The following LDB2 variants were observed in gnomAD, a reference collection of about 807,000 sequenced individuals.
LDB2 encodes LIM domain-binding protein 2.
LDB2 carries 12 observed loss-of-function variants against 44.3 expected under a neutral mutation model. That is an observed-to-expected ratio of 0.27 (90% CI 0.17 to 0.44). The LOEUF (loss-of-function observed/expected upper bound fraction) is 0.44, where lower values mean the gene tolerates loss of function less well. Among genes scored for constraint, LDB2 ranks in the 20% least tolerant of loss-of-function variants. The pLI is 1.00. For missense variants in LDB2, 344 were observed against 473.5 expected (o/e 0.73, Z 2.54); for synonymous variants, 164 against 174.8 (o/e 0.94, Z 0.49).
chr4:16,660,484 G>A (rs1337078621), intron 2 of LDB2, among the ~76,000 whole-genome samples: 1 of 152,016 alleles, frequency 6.6e-6, no homozygotes, highest in Non-Finnish European at 1.5e-5. Flanking sequence ...AACCACCACC[G>A]CCATCACCAC....
chr4:16,727,217 T>C (rs1288946016), intron 2 of LDB2, among the ~76,000 whole-genome samples: 1 of 152,200 alleles, frequency 6.6e-6, no homozygotes, highest in African/African-American at 2.4e-5. Flanking sequence ...CCCAGGACAT[T>C]AGAAGATGGA....
At chr4:16,594,891 TTC>T (rs1252927947) in intron 3 of LDB2, among the ~76,000 whole-genome samples, 3 of 152,220 alleles carry the variant, frequency 2.0e-5, no homozygotes, top group Non-Finnish European at 4.4e-5. Flanking sequence ...TAAAATAAAC[TTC>T]TGTTTGTCAG....
At chr4:16,574,932 T>G (rs563619417) in intron 5 of LDB2, among the ~76,000 whole-genome samples, 2 of 152,332 alleles carry the variant, frequency 1.3e-5, no homozygotes, top group South Asian at 4.1e-4. Flanking sequence ...ACCTACATTT[T>G]GCTGACTCCA....
chr4:16,770,628 T>C (rs77974501), intron 1 of LDB2, among the ~76,000 whole-genome samples: 2 of 152,190 alleles, frequency 1.3e-5, no homozygotes, highest in Non-Finnish European at 2.9e-5. Flanking sequence ...GGAATTTGCA[T>C]CCTCTCTGAC....
chr4:16,569,425 A>G (rs137959495), intron 5 of LDB2, among the ~76,000 whole-genome samples: 1 of 152,314 alleles, frequency 6.6e-6, no homozygotes, highest in Non-Finnish European at 1.5e-5. Context: ...GTCTTATGCT[A>G]TGATTGGCCA....
At chr4:16,758,791 T>G (rs1767249596) in intron 2 of LDB2, among the ~76,000 whole-genome samples, 1 of 152,180 alleles carries the variant, frequency 6.6e-6, no homozygotes, top group African/African-American at 2.4e-5. Flanking sequence ...ATTATTATTT[T>G]TAAGAACCTC....
intron 3 of LDB2, 111 bp downstream of exon 3, chr4:16,595,592 T>C: frequency 1.1e-6 from 1 of 897,092 alleles, no homozygotes; most frequent in Non-Finnish European, 1.7e-6. Flanking sequence ...GTGTTGAAAG[T>C]GTCTGGGAGA....
At chr4:16,564,849 C>T (rs16893635) in intron 5 of LDB2, among the ~76,000 whole-genome samples, 1,870 of 152,188 alleles carry the variant, frequency 0.012, 42 homozygotes, top group African/African-American at 0.043. Context: ...AACTTCAGTG[C>T]CATCCAAATT....
intron 2 of LDB2, among the ~76,000 whole-genome samples, chr4:16,606,152 T>C (rs1176366644): frequency 1.3e-5 from 2 of 152,200 alleles, no homozygotes; most frequent in Admixed American, 1.3e-4. Context: ...CACAAAGTTA[T>C]ATTAAATGTA....
intron 5 of LDB2, among the ~76,000 whole-genome samples, chr4:16,553,346 T>G (rs1052638714): frequency 1.3e-5 from 2 of 152,062 alleles, no homozygotes; most frequent in Admixed American, 1.3e-4. Context: ...TTTGTAGAGA[T>G]AGATAGGATC....
chr4:16,638,100 C>A (rs1734102539), intron 2 of LDB2, among the ~76,000 whole-genome samples: 1 of 152,146 alleles, frequency 6.6e-6, no homozygotes, highest in South Asian at 2.1e-4. Context: ...TAGTCCCTGG[C>A]ACATGAGAAG....
chr4:16,643,058 A>G (rs1036250463), intron 2 of LDB2, among the ~76,000 whole-genome samples: 5 of 152,214 alleles, frequency 3.3e-5, no homozygotes, highest in African/African-American at 9.7e-5. Context: ...TTCATATCAT[A>G]GACTTGTATG....
intron 1 of LDB2, among the ~76,000 whole-genome samples, chr4:16,811,574 T>C (rs1779877093): frequency 6.6e-6 from 1 of 152,242 alleles, no homozygotes; most frequent in East Asian, 1.9e-4. Flanking sequence ...CTGTCATTTC[T>C]GTGGAATTGT....
rs556431244 is a variant in LDB2 at position 16,762,464 on chromosome 4, A to G, written c.133-3204T>C. Among the ~76,000 whole-genome samples, 73 of 152,298 alleles carry G rather than the reference A, an allele frequency of 4.8e-4. 1 individual carries two copies. Among genetic ancestry groups the G allele is most frequent in the Admixed American group, 1.2e-3 (18 of 15,292 alleles). ...TAAAGGAAAGAGGTTTAATTGACTC[A>G]CAGTTCAGCATGGCTGGGGAGGCCT... On this transcript the variant is annotated intron_variant, in intron 1 of 7. Coordinates refer to ENST00000304523, the MANE Select transcript of LDB2 (RefSeq NM_001290.5).
intron 2 of LDB2, among the ~76,000 whole-genome samples, chr4:16,683,825 T>G (rs1202980229): frequency 6.6e-6 from 1 of 152,212 alleles, no homozygotes; most frequent in Non-Finnish European, 1.5e-5. Flanking sequence ...GAAGCTTACC[T>G]TGCAGGGATG....
At chr4:16,606,121 A>G (rs959952715) in intron 2 of LDB2, among the ~76,000 whole-genome samples, 1 of 152,028 alleles carries the variant, frequency 6.6e-6, no homozygotes, top group African/African-American at 2.4e-5. Flanking sequence ...ATTTTGTTTC[A>G]TTGTATTTTG....
chr4:16,557,761 C>A (rs1740289825), intron 5 of LDB2, among the ~76,000 whole-genome samples: 1 of 152,218 alleles, frequency 6.6e-6, no homozygotes, highest in African/African-American at 2.4e-5. Context: ...CAGACTGCCT[C>A]CTCAAGTGGG....
chr4:16,632,612 T>C (rs1732310033), intron 2 of LDB2, among the ~76,000 whole-genome samples: 1 of 152,082 alleles, frequency 6.6e-6, no homozygotes, highest in African/African-American at 2.4e-5. Context: ...CAATAAAGGG[T>C]ATTCAAATAG....
intron 2 of LDB2, among the ~76,000 whole-genome samples, chr4:16,707,204 T>C (rs1489072212): frequency 6.6e-6 from 1 of 152,152 alleles, no homozygotes; most frequent in Non-Finnish European, 1.5e-5. Flanking sequence ...AAAGACAATG[T>C]TTTGGGTCAT....
Sources: allele counts gnomAD v4.1 joint callset (sites outside exome capture counted in the v4.1 genomes callset), GRCh38; gene constraint gnomAD v4.1.1; transcripts MANE v1.5; gene names NCBI Gene and HGNC (gene_info 2026-07-23, HGNC 2026-07-21).